The following PAX5 variants were observed in gnomAD, a reference collection of about 807,000 sequenced individuals.
The protein encoded by PAX5 is paired box protein Pax-5.
In PAX5, 9 loss-of-function variants were observed where a neutral mutation model predicts 43.7. The ratio of observed to expected loss-of-function variants is 0.21; its 90% CI spans 0.12 to 0.36. The LOEUF (loss-of-function observed/expected upper bound fraction) is 0.36. PAX5 is among the 10% of genes least tolerant of loss of function. The pLI is 1.00. For synonymous variants in PAX5, 228 were observed against 214.3 expected (o/e 1.06, Z -0.56); for missense variants, 383 against 532.7 (o/e 0.72, Z 2.77).
At chr9:36,977,716 G>A (rs959814500) in intron 5 of PAX5, among the ~76,000 whole-genome samples, 6 of 152,182 alleles carry the variant, frequency 3.9e-5, no homozygotes, top group African/African-American at 1.4e-4. Context: ...ATTTTAAGTT[G>A]AGAAGGGGTT....
At chr9:36,860,423 G>A (rs1204236609) in intron 8 of PAX5, among the ~76,000 whole-genome samples, 1 of 152,176 alleles carries the variant, frequency 6.6e-6, no homozygotes, top group Non-Finnish European at 1.5e-5. Context: ...CTCGGAGTAA[G>A]CGGGGGGAGG....
intron 7 of PAX5, among the ~76,000 whole-genome samples, chr9:36,899,432 C>T (rs1387075843): frequency 6.6e-6 from 1 of 152,236 alleles, no homozygotes; most frequent in Non-Finnish European, 1.5e-5. Flanking sequence ...TGAAGCTAAA[C>T]AAATGCCTAG....
chr9:37,019,760 C>T (rs945047228), intron 2 of PAX5, among the ~76,000 whole-genome samples: 2 of 152,210 alleles, frequency 1.3e-5, no homozygotes, highest in Non-Finnish European at 2.9e-5. Flanking sequence ...CCTGCCAGGG[C>T]AGACCTAAAA....
intron 7 of PAX5, among the ~76,000 whole-genome samples, chr9:36,901,398 C>T (rs1039084499): frequency 6.6e-6 from 1 of 152,144 alleles, no homozygotes; most frequent in African/African-American, 2.4e-5. Flanking sequence ...CGGGAAGTGG[C>T]CCCCGTTGTG....
chr9:36,890,355 G>A (rs998172267), intron 7 of PAX5, among the ~76,000 whole-genome samples: 1 of 152,192 alleles, frequency 6.6e-6, no homozygotes, highest in Non-Finnish European at 1.5e-5. Flanking sequence ...CTGCCCAGAG[G>A]AGGGAGATCT....
At chr9:36,863,910 A>T (rs1048316323) in intron 8 of PAX5, among the ~76,000 whole-genome samples, 1 of 152,326 alleles carries the variant, frequency 6.6e-6, no homozygotes, top group South Asian at 2.1e-4. Flanking sequence ...GGAGCTCAAG[A>T]CCAGCCTGGC....
chr9:37,023,287 G>T (rs1367312735), intron 1 of PAX5, among the ~76,000 whole-genome samples: 2 of 152,158 alleles, frequency 1.3e-5, no homozygotes, highest in Non-Finnish European at 2.9e-5. Context: ...CCAGGAAGGG[G>T]CTTCTGGAGG....
At chr9:36,959,472 A>G (rs1391488917) in intron 6 of PAX5, among the ~76,000 whole-genome samples, 1 of 152,326 alleles carries the variant, frequency 6.6e-6, no homozygotes, top group Non-Finnish European at 1.5e-5. Flanking sequence ...TTCTCCAGTC[A>G]TTCTTCCTAG....
intron 7 of PAX5, among the ~76,000 whole-genome samples, chr9:36,908,162 G>T (rs1828969695): frequency 6.6e-6 from 1 of 150,402 alleles, no homozygotes; most frequent in African/African-American, 2.5e-5. Flanking sequence ...TCACACCGCT[G>T]CACTCCAGCC....
intron 6 of PAX5, among the ~76,000 whole-genome samples, chr9:36,929,601 T>A (rs1005899375): frequency 6.6e-6 from 1 of 152,222 alleles, no homozygotes; most frequent in Non-Finnish European, 1.5e-5. Context: ...TTCTTCTCCC[T>A]CTTCATCAGG....
intron 6 of PAX5, among the ~76,000 whole-genome samples, chr9:36,955,945 A>C (rs1025847217): frequency 5.9e-5 from 9 of 152,110 alleles, no homozygotes; most frequent in Non-Finnish European, 1.2e-4. Flanking sequence ...CAAAACAATA[A>C]ATGTTTATTT....
chr9:36,947,344 G>A (rs997771081), intron 6 of PAX5, among the ~76,000 whole-genome samples: 1 of 152,090 alleles, frequency 6.6e-6, no homozygotes, highest in African/African-American at 2.4e-5. Flanking sequence ...CCTTGCTTTG[G>A]ATCAAGTACC....
intron 5 of PAX5, among the ~76,000 whole-genome samples, chr9:36,987,172 G>A (rs145160952): frequency 9.9e-5 from 15 of 152,228 alleles, no homozygotes; most frequent in African/African-American, 2.9e-4. Flanking sequence ...TGCATTCAGG[G>A]AAAGGCGCTG....
chr9:36,860,117 T>A (rs1824064061), intron 8 of PAX5, among the ~76,000 whole-genome samples: 1 of 151,218 alleles, frequency 6.6e-6, no homozygotes, highest in Admixed American at 6.6e-5. Flanking sequence ...GGCGGGTAGA[T>A]CACGAGGTCA....
At chr9:36,945,758 C>A (rs1233015903) in intron 6 of PAX5, among the ~76,000 whole-genome samples, 1 of 152,188 alleles carries the variant, frequency 6.6e-6, no homozygotes, top group East Asian at 1.9e-4. Flanking sequence ...CTCTTCAAAT[C>A]CCAGCAGCAC....
rs1841297179 is a variant in PAX5, at chr9:37,034,098, C to CTTTCTTTTTTTTTTTTTTTTTTT, written c.-68_-67insAAAAAAAAAAAAAAAAAAAGAAA. On this transcript the variant is annotated 5_prime_UTR_variant, in exon 1 of 10. Coordinates refer to ENST00000358127, the MANE Select transcript of PAX5 (RefSeq NM_016734.3). ...TCCACTTTTTTGTGCCTTTTTTTTT[C>CTTTCTTTTTTTTTTTTTTTTTTT]TTTTTTTTTTTTTTTTTTTTTTTTT... 3 of 320,102 alleles carry CTTTCTTTTTTTTTTTTTTTTTTT rather than the reference C, an allele frequency of 9.4e-6. No individual in the cohort carries two copies. The African/African-American group carries it at 1.3e-4, about 14-fold the overall frequency. 19.8% of individuals were successfully genotyped at this position (320,102 alleles called of 1,614,324 possible). A position where few individuals can be genotyped will look rare whatever the true frequency, so the allele number is the denominator to read the frequency against.
Position 37,002,679 on chromosome 9 carries a change from G to A in PAX5, c.573C>T (p.Ser191=), listed in dbSNP as rs2132398122. 6.2e-7 allele frequency: 1 copy of A among 1,611,498 alleles called. No homozygotes were observed. Among genetic ancestry groups the A allele is most frequent in the Non-Finnish European group, 8.5e-7 (1 of 1,179,124 alleles). Residue 191 remains serine (S), a synonymous_variant, in exon 5 of 10, where the codon AGC becomes AGT. Transcript: ENST00000358127. ...CTCTCTTGCGCTTGTTGGTGTCGGC[G>A]CTGGGGGACGTGATGCCCAGGATGC... The part of the protein sequence containing the change: ...ISGILGITSP[S]ADTNKRKRDE...
intron 5 of PAX5, among the ~76,000 whole-genome samples, chr9:36,998,801 G>A (rs1837613599): frequency 6.6e-6 from 1 of 152,176 alleles, no homozygotes; most frequent in African/African-American, 2.4e-5. Flanking sequence ...ATACACACCA[G>A]ATTTCAAAAA....
chr9:36,923,531 C>T (rs765549569), intron 6 of PAX5, 47 bp from the exon 7 acceptor site: 13 of 1,569,780 alleles, frequency 8.3e-6, no homozygotes, highest in Middle Eastern at 1.7e-4. Flanking sequence ...TCCACAGTAC[C>T]TTAGTCAAAT....
Sources: gnomAD v4.1 joint callset for allele counts (sites outside exome capture counted in the v4.1 genomes callset) on GRCh38, gnomAD v4.1.1 for gene constraint, MANE v1.5 for transcripts, NCBI Gene and HGNC (gene_info 2026-07-23, HGNC 2026-07-21) for gene names.